RNLS: variants seen among roughly 807,000 people sequenced by gnomAD.
RNLS encodes the protein renalase, FAD dependent amine oxidase, also known as renalase.
Under a neutral mutation model 39.8 loss-of-function variants are expected in RNLS, and 39 were observed. The ratio of observed to expected loss-of-function variants is 0.98; its 90% CI spans 0.76 to 1.28. The LOEUF is 1.28. Among genes scored for constraint, RNLS ranks in the 50% most tolerant of loss-of-function variants. The probability of loss-of-function intolerance (pLI) is 0.00; values close to 1 mark genes in which losing one functional copy is unlikely to be tolerated. For missense variants in RNLS, 410 were observed against 413.3 expected (o/e 0.99, Z 0.07); for synonymous variants, 147 against 150.7 (o/e 0.98, Z 0.18).
the RNLS span, among the ~76,000 whole-genome samples, chr10:88,258,529 T>C: frequency 6.6e-6 from 1 of 152,214 alleles, no homozygotes; most frequent in African/African-American, 2.4e-5. Context: ...GTGGGAAATA[T>C]GTGAGACAAT....
chr10:88,262,480 T>C, the RNLS span, among the ~76,000 whole-genome samples: 4 of 152,194 alleles, frequency 2.6e-5, no homozygotes, highest in African/African-American at 9.6e-5. Context: ...CCCAGGAAGA[T>C]GGCCATGCCA....
At chr10:88,427,057 C>T (rs1854818297) in intron 4 of RNLS, among the ~76,000 whole-genome samples, 1 of 151,978 alleles carries the variant, frequency 6.6e-6, no homozygotes, top group Non-Finnish European at 1.5e-5. Flanking sequence ...GTCTGGTACT[C>T]CCCACAGGTA....
intron 5 of RNLS, among the ~76,000 whole-genome samples, chr10:88,336,502 C>T (rs546879548): frequency 1.4e-4 from 22 of 152,282 alleles, no homozygotes; most frequent in Non-Finnish European, 2.4e-4. Flanking sequence ...TGTAAAACCC[C>T]ACACGATGAA....
intron 5 of RNLS, among the ~76,000 whole-genome samples, chr10:88,345,800 C>T (rs1848262252): frequency 6.6e-6 from 1 of 152,058 alleles, no homozygotes; most frequent in Non-Finnish European, 1.5e-5. Context: ...TAGGTTGAAT[C>T]ACATGAAAAT....
At chr10:88,256,489 C>A in the RNLS span, among the ~76,000 whole-genome samples, 3 of 152,210 alleles carry the variant, frequency 2.0e-5, no homozygotes, top group African/African-American at 7.2e-5. Flanking sequence ...GGAACTCGGC[C>A]TGAAAACCTT....
At position 88,466,228 on chromosome 10, in the gene RNLS, T is replaced by C. The variant is rs950825497; in HGVS notation, c.527-103503A>G. Among the ~76,000 whole-genome samples the C allele has an allele frequency of 5.9e-5, 9 of 152,066 alleles. No individual in the cohort carries two copies. In the East Asian group the frequency reaches 1.4e-3, roughly 23 times the overall value. ...AAAAGCAACAGTTCCTTTCTGAATA[T>C]GGGGAGACAGCTATCATTGAAAAAA... On this transcript the variant is annotated intron_variant, in intron 4 of 6. Transcript: ENST00000331772.
At chr10:88,565,859 C>T (rs1221289356) in intron 4 of RNLS, among the ~76,000 whole-genome samples, 2 of 150,558 alleles carry the variant, frequency 1.3e-5, no homozygotes, top group African/African-American at 4.9e-5. Flanking sequence ...AAGCGATTCT[C>T]CTGCCTCAGC....
the RNLS span, among the ~76,000 whole-genome samples, chr10:88,198,726 C>G: frequency 6.6e-6 from 1 of 152,100 alleles, no homozygotes; most frequent in Non-Finnish European, 1.5e-5. Flanking sequence ...GCCTGCTTCC[C>G]CTTCCCCTTC....
chr10:88,545,526 C>A, intron 4 of RNLS: 1 of 453,546 alleles, frequency 2.2e-6, no homozygotes, highest in Non-Finnish European at 4.4e-6. Context: ...AAGACTTATT[C>A]ACTATCACAA....
At chr10:88,216,772 A>AAAC in the RNLS span, among the ~76,000 whole-genome samples, 6 of 152,268 alleles carry the variant, frequency 3.9e-5, no homozygotes, top group East Asian at 3.9e-4. Flanking sequence ...CCAACCTGCT[A>AAAC]AACAACAACA....
chr10:88,497,947 A>G (rs1182607183), intron 4 of RNLS, among the ~76,000 whole-genome samples: 3 of 151,998 alleles, frequency 2.0e-5, no homozygotes, highest in Non-Finnish European at 4.4e-5. Context: ...TGAAGAGAAA[A>G]AAAAAAACCC....
intron 4 of RNLS, among the ~76,000 whole-genome samples, chr10:88,537,354 A>G (rs1348176015): frequency 1.3e-5 from 2 of 152,196 alleles, no homozygotes; most frequent in South Asian, 2.1e-4. Flanking sequence ...ACAGCCAAGT[A>G]TATATGCAAC....
At chr10:88,438,691 C>A (rs1437067779) in intron 4 of RNLS, among the ~76,000 whole-genome samples, 3 of 152,090 alleles carry the variant, frequency 2.0e-5, no homozygotes, top group Non-Finnish European at 2.9e-5. Context: ...AAACAGCTGG[C>A]ATAAGAATAA....
chr10:88,454,907 T>C (rs1423582000), intron 4 of RNLS, among the ~76,000 whole-genome samples: 1 of 152,220 alleles, frequency 6.6e-6, no homozygotes, highest in African/African-American at 2.4e-5. Flanking sequence ...AACTATTTGA[T>C]CTATATAAAT....
chr10:88,228,038 C>T, the RNLS span, among the ~76,000 whole-genome samples: 2 of 152,136 alleles, frequency 1.3e-5, no homozygotes, highest in African/African-American at 4.8e-5. Flanking sequence ...GGAGACTCAC[C>T]TCGTGGCTTG....
the RNLS span, among the ~76,000 whole-genome samples, chr10:88,266,368 A>T: frequency 6.6e-6 from 1 of 152,196 alleles, no homozygotes; most frequent in South Asian, 2.1e-4. Context: ...TTTGGAAATC[A>T]AATGGTAATG....
chr10:88,237,776 C>CT, the RNLS span, among the ~76,000 whole-genome samples: 1 of 152,120 alleles, frequency 6.6e-6, no homozygotes, highest in African/African-American at 2.4e-5. Flanking sequence ...TTAGTATCTG[C>CT]TTTGTGCAAG....
intron 5 of RNLS, among the ~76,000 whole-genome samples, chr10:88,343,029 T>A (rs891781460): frequency 6.6e-6 from 1 of 152,318 alleles, no homozygotes; most frequent in East Asian, 1.9e-4. Context: ...CTGGCCTTTA[T>A]AAAACATCTG....
intron 5 of RNLS, among the ~76,000 whole-genome samples, chr10:88,321,662 T>C (rs756423535): frequency 2.0e-5 from 3 of 152,146 alleles, no homozygotes; most frequent in Non-Finnish European, 2.9e-5. Context: ...GAAGCTATTA[T>C]GAATATCTCT....
Sources: gnomAD v4.1 joint callset for allele counts (sites outside exome capture counted in the v4.1 genomes callset) on GRCh38, gnomAD v4.1.1 for gene constraint, MANE v1.5 for transcripts, NCBI Gene and HGNC (gene_info 2026-07-23, HGNC 2026-07-21) for gene names.